The following ADAM32 variants were observed in gnomAD, a reference collection of about 807,000 sequenced individuals.
ADAM32 encodes ADAM metallopeptidase domain 32.
A neutral mutation model predicts 114.9 loss-of-function variants in ADAM32; 89 were observed. The observed-to-expected ratio is 0.77, with a 90% CI of 0.65 to 0.92. ADAM32 has a LOEUF of 0.92. ADAM32 is among the 40% of genes least tolerant of loss of function. The pLI is 0.00. For synonymous variants in ADAM32, 285 were observed against 307.5 expected (o/e 0.93, Z 0.77); for missense variants, 870 against 932.8 (o/e 0.93, Z 0.88).
chr8:39,258,559 T>C (rs974239009), intron 19 of ADAM32, among the ~76,000 whole-genome samples: 1 of 152,130 alleles, frequency 6.6e-6, no homozygotes, highest in African/African-American at 2.4e-5. Context: ...AAAATAATTT[T>C]CTAATTTTAT....
chr8:39,177,379 G>A (rs1254637980), intron 10 of ADAM32, among the ~76,000 whole-genome samples: 2 of 152,084 alleles, frequency 1.3e-5, no homozygotes, highest in Admixed American at 1.3e-4. Flanking sequence ...TTTATTTTGA[G>A]CCTATGTGTC....
At chr8:39,214,336 T>G (rs1468223281) in intron 12 of ADAM32, among the ~76,000 whole-genome samples, 1 of 152,094 alleles carries the variant, frequency 6.6e-6, no homozygotes, top group Non-Finnish European at 1.5e-5. Flanking sequence ...TCTCCATATC[T>G]TCACTAGCAT....
chr8:39,280,868 T>G (rs556727022), intron 22 of ADAM32, among the ~76,000 whole-genome samples: 2 of 151,960 alleles, frequency 1.3e-5, no homozygotes, highest in Non-Finnish European at 2.9e-5. Context: ...CTGCAAGCTC[T>G]GCCTCCTGGG....
chr8:39,189,828 C>T (rs901924922), intron 11 of ADAM32, among the ~76,000 whole-genome samples: 1 of 151,946 alleles, frequency 6.6e-6, no homozygotes, highest in Non-Finnish European at 1.5e-5. Context: ...GATGGAGTCT[C>T]GCTCTGTTGC....
At chr8:39,207,419 A>T (rs527572995) in intron 11 of ADAM32, among the ~76,000 whole-genome samples, 3 of 152,284 alleles carry the variant, frequency 2.0e-5, no homozygotes, top group African/African-American at 7.2e-5. Context: ...ACATTTTAAA[A>T]ATTTATAATG....
intron 10 of ADAM32, among the ~76,000 whole-genome samples, chr8:39,172,998 G>C (rs1377097517): frequency 6.6e-6 from 1 of 152,168 alleles, no homozygotes; most frequent in Non-Finnish European, 1.5e-5. Context: ...AGTGGCTCAC[G>C]CCTATAATCC....
intron 6 of ADAM32, among the ~76,000 whole-genome samples, chr8:39,153,119 T>G (rs751864912): frequency 2.6e-5 from 4 of 152,228 alleles, no homozygotes; most frequent in Non-Finnish European, 5.9e-5. Context: ...TAAGTTTGCT[T>G]AATTCACTAT....
intron 16 of ADAM32, among the ~76,000 whole-genome samples, chr8:39,240,613 C>A (rs2129449790): frequency 6.6e-6 from 1 of 152,228 alleles, no homozygotes; most frequent in African/African-American, 2.4e-5. Flanking sequence ...GTTGGGGAGG[C>A]CTCACAATCA....
chr8:39,123,641 G>A (rs940743096), intron 2 of ADAM32, among the ~76,000 whole-genome samples: 1 of 151,136 alleles, frequency 6.6e-6, no homozygotes, highest in African/African-American at 2.4e-5. Context: ...CTATGAACAT[G>A]TATGATACTT....
chr8:39,219,664 T>G (rs964114815), intron 12 of ADAM32, among the ~76,000 whole-genome samples: 10 of 152,166 alleles, frequency 6.6e-5, no homozygotes, highest in African/African-American at 2.4e-4. Context: ...TTCAAGACAT[T>G]CTTTCCCACC....
chr8:39,197,537 G>T (rs751990644), intron 11 of ADAM32, among the ~76,000 whole-genome samples: 52 of 152,026 alleles, frequency 3.4e-4, no homozygotes, highest in Non-Finnish European at 7.2e-4. Context: ...TTTGTTTCAA[G>T]AAATTTGTTG....
intron 17 of ADAM32, among the ~76,000 whole-genome samples, chr8:39,252,779 G>A (rs912882455): frequency 4.6e-5 from 7 of 151,578 alleles, no homozygotes; most frequent in Non-Finnish European, 7.4e-5. Context: ...ATACTGTGGT[G>A]TATATTTATA....
chr8:39,162,130 A>G (rs1362979684), intron 7 of ADAM32, among the ~76,000 whole-genome samples: 4 of 149,432 alleles, frequency 2.7e-5, no homozygotes, highest in African/African-American at 9.8e-5. Context: ...CATTTACATT[A>G]GGTATATCTC....
intron 2 of ADAM32, chr8:39,130,219 A>T (rs1432873753): frequency 6.5e-6 from 1 of 153,968 alleles, no homozygotes; most frequent in East Asian, 1.9e-4. Context: ...TTTTCTTATA[A>T]TACTTTAAAT....
chr8:39,166,784 C>T (rs1233414310), intron 9 of ADAM32: 2 of 152,030 alleles, frequency 1.3e-5, no homozygotes, highest in Non-Finnish European at 2.9e-5. Context: ...TTTCCCTGCT[C>T]ATTAGTGTTG....
chr8:39,161,738 G>A (rs112283145), intron 7 of ADAM32, among the ~76,000 whole-genome samples: 108 of 152,132 alleles, frequency 7.1e-4, no homozygotes, highest in African/African-American at 2.6e-3. Context: ...CCAGAGTTAA[G>A]GTCAGGGACC....
intron 16 of ADAM32, among the ~76,000 whole-genome samples, chr8:39,240,986 C>G (rs1049992783): frequency 2.0e-5 from 3 of 152,134 alleles, no homozygotes; most frequent in African/African-American, 7.2e-5. Flanking sequence ...CCTATAAAAT[C>G]AGAAGCAAGT....
In ADAM32 at chr8:39,204,516, C is replaced by T. The variant is rs545995950; in HGVS notation, c.1053-6628C>T. Among the ~76,000 whole-genome samples, 21 of 152,298 alleles carry T rather than the reference C, an allele frequency of 1.4e-4. No homozygotes were observed. The South Asian group carries it at 3.9e-3, about 29-fold the overall frequency. On this transcript the variant is annotated intron_variant, in intron 11 of 24. Transcript: ENST00000379907. ...TAAGGACTTCTCTACACTGGTTATT[C>T]TAGTTAGCCATTCGTCTAATATTTT...
At position 39,160,844 on chromosome 8, in the gene ADAM32, T is replaced by C. The variant is rs567988260; in HGVS notation, c.526-53T>C. The C allele has an allele frequency of 2.1e-6, 3 of 1,449,692 alleles. No homozygotes were observed. The South Asian group carries it at 4.0e-5, about 20-fold the overall frequency. 89.8% of individuals were successfully genotyped at this position (1,449,692 alleles called of 1,614,324 possible). A position where few individuals can be genotyped will look rare whatever the true frequency, so the allele number is the denominator to read the frequency against. ...TATTAGCTTTAAAGAAGAGTTCAAG[T>C]AAAAAAATTATGAAATTTTTCATGT... On this transcript the variant is annotated intron_variant, in intron 6 of 24. Coordinates refer to ENST00000379907, the MANE Select transcript of ADAM32 (RefSeq NM_145004.7).
Sources: gnomAD v4.1 joint callset for allele counts (sites outside exome capture counted in the v4.1 genomes callset) on GRCh38, gnomAD v4.1.1 for gene constraint, MANE v1.5 for transcripts, NCBI Gene and HGNC (gene_info 2026-07-23, HGNC 2026-07-21) for gene names.